Variants in GLT8D2 observed in about 807,000 individuals in gnomAD.
The protein encoded by GLT8D2 is glycosyltransferase 8 domain-containing protein 2.
A neutral mutation model predicts 44.5 loss-of-function variants in GLT8D2; 45 were observed. The observed-to-expected ratio is 1.01, with a 90% confidence interval of 0.80 to 1.30. The LOEUF is 1.30. Among genes scored for constraint, GLT8D2 ranks in the 50% most tolerant of loss-of-function variants. GLT8D2 has a pLI of 0.00. For missense variants in GLT8D2, 400 were observed against 430.4 expected, an observed-to-expected ratio of 0.93 and a Z score of 0.62; for synonymous variants, 156 against 157.2, an observed-to-expected ratio of 0.99 and a Z score of 0.06.
rs769603126 is a variant in GLT8D2, at chr12:103,994,405, C to T, written c.697G>A (p.Ala233Thr). Reference sequence around the variant, plus strand: ...TGGTGCTTCCATTCTGTCATGTTGGCAACAATCACACCAGGATTGAAAGAG... The same window carrying T: ...TGGTGCTTCCATTCTGTCATGTTGGTAACAATCACACCAGGATTGAAAGAG... ...TCSFNPGVIVANMTEWKHQRI... is the reference protein window; with the variant it reads ...TCSFNPGVIVTNMTEWKHQRI... Residue 233 changes from alanine to threonine, a missense_variant, in exon 9 of 11, where the codon GCC becomes ACC. Coordinates refer to ENST00000360814, the MANE Select transcript of GLT8D2 (RefSeq NM_001384711.1). 3 of 1,614,042 alleles carry T rather than the reference C, an allele frequency of 1.9e-6. No individual in the cohort carries two copies. The highest frequency in any genetic ancestry group is 2.2e-5 in the South Asian group (2 of 91,042).
At position 104,003,060 on chromosome 12, in the gene GLT8D2, TAGGGAGGG is replaced by T. The variant is rs374136564; in HGVS notation, c.284+67_284+74del. On this transcript the variant is annotated intron_variant, in intron 5 of 10. Coordinates refer to ENST00000360814, the MANE Select transcript of GLT8D2 (RefSeq NM_001384711.1). Reference sequence around the variant, plus strand: ...AAAGAAAGAAAAGAAGAAGAAGAGGTAGGGAGGGAGGGAGGGAGGGAAGGAGAGAGGGG... The same window carrying T: ...AAAGAAAGAAAAGAAGAAGAAGAGGTAGGGAGGGAGGGAAGGAGAGAGGGG... 2.7e-5 allele frequency: 27 copies of T among 994,956 alleles called. No individual in the cohort carries two copies. The Admixed American group carries it at 4.0e-4, about 15-fold the overall frequency. 61.6% of individuals were successfully genotyped at this position (994,956 alleles called of 1,614,324 possible). A position where few individuals can be genotyped will look rare whatever the true frequency, so the allele number is the denominator to read the frequency against.
At chr12:104,039,796 G>T (rs772360277) in intron 1 of GLT8D2, among the ~76,000 whole-genome samples, 37 of 152,172 alleles carry the variant, frequency 2.4e-4, no homozygotes, top group Non-Finnish European at 4.3e-4. Context: ...CTATTACTGG[G>T]TATATACCCA....
intron 1 of GLT8D2, among the ~76,000 whole-genome samples, chr12:104,043,082 T>C (rs900122491): frequency 3.3e-5 from 5 of 152,214 alleles, no homozygotes; most frequent in Admixed American, 6.5e-5. Flanking sequence ...CCTCCTTACA[T>C]GCTTCCTGCA....
At chr12:104,012,940 G>A in intron 4 of GLT8D2, 1 of 599,316 alleles carries the variant, frequency 1.7e-6, no homozygotes, top group Non-Finnish European at 2.9e-6. Flanking sequence ...ATGCCAAGGA[G>A]AGAGGCCTCA....
chr12:103,995,238 C>A (rs1873263160), intron 8 of GLT8D2, among the ~76,000 whole-genome samples: 1 of 152,166 alleles, frequency 6.6e-6, no homozygotes, highest in African/African-American at 2.4e-5. Context: ...TAAGCTCCTC[C>A]AATAGCTTCC....
intron 4 of GLT8D2, among the ~76,000 whole-genome samples, chr12:104,007,638 C>A (rs1354556292): frequency 6.6e-6 from 1 of 151,966 alleles, no homozygotes; most frequent in East Asian, 1.9e-4. Context: ...GCAAATGGAC[C>A]TATGTCTATT....
At chr12:104,033,273 G>A (rs1879535226) in intron 1 of GLT8D2, among the ~76,000 whole-genome samples, 1 of 152,176 alleles carries the variant, frequency 6.6e-6, no homozygotes, top group East Asian at 1.9e-4. Context: ...ATATGAGTAT[G>A]TGTGTGTATG....
intron 8 of GLT8D2, 59 bp from the exon 9 acceptor site, chr12:103,994,560 G>T (rs1459144587): frequency 8.7e-6 from 13 of 1,488,846 alleles, no homozygotes; most frequent in Non-Finnish European, 1.1e-5. Flanking sequence ...TCTGGAAAAT[G>T]ATCATTTTCT....
chr12:104,027,734 T>C (rs1432069450), intron 1 of GLT8D2, among the ~76,000 whole-genome samples: 1 of 152,212 alleles, frequency 6.6e-6, no homozygotes, highest in African/African-American at 2.4e-5. Flanking sequence ...ATTTTTCAAA[T>C]GAGGACATTG....
intron 4 of GLT8D2, among the ~76,000 whole-genome samples, chr12:104,004,289 A>C (rs1874664121): frequency 6.6e-6 from 1 of 152,222 alleles, no homozygotes; most frequent in South Asian, 2.1e-4. Flanking sequence ...AATGGGCAAA[A>C]GCTGAAAGCA....
At chr12:104,005,448 C>T (rs1874857508) in intron 4 of GLT8D2, among the ~76,000 whole-genome samples, 1 of 152,106 alleles carries the variant, frequency 6.6e-6, no homozygotes, top group African/African-American at 2.4e-5. Flanking sequence ...AACAGGCAAC[C>T]TACAGAATGG....
chr12:103,995,865 T>C (rs1489566835), intron 8 of GLT8D2, among the ~76,000 whole-genome samples: 2 of 152,230 alleles, frequency 1.3e-5, no homozygotes, highest in Admixed American at 1.3e-4. Flanking sequence ...TCTAAGAACT[T>C]TACATGTACT....
At chr12:104,053,532 G>A (rs1881896656), upstream of GLT8D2, among the ~76,000 whole-genome samples, 2 of 152,196 alleles carry the variant, frequency 1.3e-5, no homozygotes, top group African/African-American at 2.4e-5. Flanking sequence ...CATCATGCAT[G>A]TAAGGCACTC....
chr12:103,999,527 C>A lies in GLT8D2; in HGVS notation c.285-13G>T, dbSNP rs1323886836. On this transcript the variant is annotated splice_polypyrimidine_tract_variant and intron_variant, in intron 5 of 10. Coordinates refer to ENST00000360814, the MANE Select transcript of GLT8D2 (RefSeq NM_001384711.1). ...TTCAATCCATTTTCTAAAAAGATGACCAAAAAAACCTCTAGTATACCCTTC... is the reference window on the plus strand; with the variant it reads ...TTCAATCCATTTTCTAAAAAGATGAACAAAAAAACCTCTAGTATACCCTTC... 5.0e-6 allele frequency: 6 copies of A among 1,195,976 alleles called. No homozygotes were observed. Among genetic ancestry groups the A allele is most frequent in the Admixed American group, 4.4e-5 (2 of 45,070 alleles). 74.1% of individuals were successfully genotyped at this position (1,195,976 alleles called of 1,614,324 possible). A position where few individuals can be genotyped will look rare whatever the true frequency, so the allele number is the denominator to read the frequency against.
intron 4 of GLT8D2, among the ~76,000 whole-genome samples, chr12:104,007,317 C>A (rs560938214): frequency 3.5e-5 from 5 of 144,814 alleles, no homozygotes; most frequent in Non-Finnish European, 7.5e-5. Flanking sequence ...CTTTCCAGAT[C>A]CTTTTTGGAA....
At chr12:104,010,685 T>C (rs1431989508) in intron 4 of GLT8D2, among the ~76,000 whole-genome samples, 1 of 152,212 alleles carries the variant, frequency 6.6e-6, no homozygotes, top group Non-Finnish European at 1.5e-5. Flanking sequence ...ATATCTCTAT[T>C]TGAGCACTTG....
At chr12:104,038,832 G>A (rs578113020) in intron 1 of GLT8D2, among the ~76,000 whole-genome samples, 2 of 152,156 alleles carry the variant, frequency 1.3e-5, no homozygotes, top group African/African-American at 2.4e-5. Flanking sequence ...AGCCCACATC[G>A]CCAAGACAAT....
intron 1 of GLT8D2, among the ~76,000 whole-genome samples, chr12:104,057,789 C>A (rs974510935): frequency 6.6e-6 from 1 of 152,176 alleles, no homozygotes; most frequent in Admixed American, 6.5e-5. Flanking sequence ...CTGTACTTTA[C>A]ATGTATTATT....
At chr12:104,063,114 C>G (rs559017404) in intron 1 of GLT8D2, among the ~76,000 whole-genome samples, 1 of 152,310 alleles carries the variant, frequency 6.6e-6, no homozygotes, top group African/African-American at 2.4e-5. Flanking sequence ...ACTCCCCTGC[C>G]AAGTCCGTGG....
Sources: gnomAD v4.1 joint callset for allele counts (sites outside exome capture counted in the v4.1 genomes callset) on GRCh38, gnomAD v4.1.1 for gene constraint, MANE v1.5 for transcripts, NCBI Gene and HGNC (gene_info 2026-07-23, HGNC 2026-07-21) for gene names.